E2F6: variants seen among roughly 807,000 people sequenced by gnomAD.
E2F6 encodes E2F transcription factor 6, also known as transcription factor E2F6.
Under a neutral mutation model 31.5 loss-of-function variants are expected in E2F6, and 19 were observed. The observed-to-expected ratio is 0.60, with a 90% CI of 0.42 to 0.89. E2F6 has a LOEUF of 0.89. Ranked by LOEUF, E2F6 falls within the 40% of genes least tolerant of loss-of-function variation. The pLI is 0.00. For synonymous variants in E2F6, 121 were observed against 127.7 expected, an observed-to-expected ratio of 0.95 and a Z score of 0.36; for missense variants, 269 against 341.6, an observed-to-expected ratio of 0.79 and a Z score of 1.67.
intron 1 of E2F6, among the ~76,000 whole-genome samples, chr2:11,463,960 C>CAAAAAAAAAAAAAGAAAAA (rs1671958690): frequency 2.9e-5 from 2 of 69,968 alleles, no homozygotes; most frequent in African/African-American, 4.8e-5. Context: ...GGGGGGGGGA[C>CAAAAAAAAAAAAAGAAAAA]AAAAACAAAA....
rs183996239 is a variant in E2F6 at position 11,446,127 on chromosome 2, A to G, written c.*350T>C. 2.3e-5 allele frequency: 6 copies of G among 266,654 alleles called. No individual in the cohort carries two copies. In the East Asian group the frequency reaches 4.8e-4, roughly 21 times the overall value. 16.5% of individuals were successfully genotyped at this position (266,654 alleles called of 1,614,324 possible). On this transcript the variant is annotated 3_prime_UTR_variant, in exon 7 of 7. Transcript: ENST00000381525. ...TGTAAGGCAATTTCTTTTGTGATATATGACATACTCCTTGAAGGGAAGGGT... is the reference window on the plus strand; with the variant it reads ...TGTAAGGCAATTTCTTTTGTGATATGTGACATACTCCTTGAAGGGAAGGGT...
intron 3 of E2F6, among the ~76,000 whole-genome samples, chr2:11,452,676 C>T (rs1187450909): frequency 6.6e-6 from 1 of 151,494 alleles, no homozygotes; most frequent in Non-Finnish European, 1.5e-5. Context: ...GACCAGGCAA[C>T]AACTGATTTT....
In E2F6 at chr2:11,466,058, G is replaced by A. The variant is rs189274166; in HGVS notation, c.-179C>T. ...TCCCGCCCGCCAGTAAACGCGGCAC[G>A]GCCTCACGTGCCCGGGAGCTCCCGA... On this transcript the variant is annotated 5_prime_UTR_variant, in exon 1 of 7. Coordinates refer to ENST00000381525, the MANE Select transcript of E2F6 (RefSeq NM_198256.4). The A allele has an allele frequency of 0.012, 6,611 of 546,196 alleles. 58 individuals are homozygous for A. The highest frequency in any genetic ancestry group is 0.029 in the Middle Eastern group (60 of 2,092). The allele number at this position is 546,196 out of a possible 1,614,324, so 33.8% of individuals were successfully genotyped here.
chr2:11,453,473 C>T (rs1671199314), intron 3 of E2F6, 109 bp downstream of exon 3: 6 of 1,007,048 alleles, frequency 6.0e-6, no homozygotes, highest in South Asian at 3.2e-5. Context: ...AACAAGAAGT[C>T]GTACCTTTGT....
In E2F6 at chr2:11,454,104, T is replaced by G. The variant is rs557947368; in HGVS notation, c.164-306A>C. On this transcript the variant is annotated intron_variant, in intron 2 of 6. Coordinates refer to ENST00000381525, the MANE Select transcript of E2F6 (RefSeq NM_198256.4). ...ATCTTCTCGGACAAAGCAGTGAGAT[T>G]AATTTGCATCCATACCACTCTCAGG... Among the ~76,000 whole-genome samples the G allele has an allele frequency of 1.9e-4, 29 of 152,362 alleles. No homozygotes were observed. In the South Asian group the frequency reaches 3.3e-3, roughly 17 times the overall value.
chr2:11,455,007 T>C (rs1037405062), intron 2 of E2F6, among the ~76,000 whole-genome samples: 1 of 152,252 alleles, frequency 6.6e-6, no homozygotes, highest in African/African-American at 2.4e-5. Flanking sequence ...TTTTGCTTCA[T>C]ATTTCAATGA....
chr2:11,463,130 A>G (rs1317494560), intron 1 of E2F6, among the ~76,000 whole-genome samples: 1 of 152,224 alleles, frequency 6.6e-6, no homozygotes, highest in East Asian at 1.9e-4. Context: ...TCAAATATTA[A>G]GACCACCAAT....
In E2F6 at chr2:11,466,124, T is replaced by C; in HGVS notation, c.-245A>G. The C allele has an allele frequency of 6.5e-6, 3 of 463,204 alleles. No individual in the cohort carries two copies. The South Asian group carries it at 9.6e-5, about 15-fold the overall frequency. The allele number at this position is 463,204 out of a possible 1,614,324, so 28.7% of individuals were successfully genotyped here. ...AGGAGGGAGACCCGCGGATCTCAAGTCGCCCGGCCCGCCATCTTCCCGCAT... is the reference window on the plus strand; with the variant it reads ...AGGAGGGAGACCCGCGGATCTCAAGCCGCCCGGCCCGCCATCTTCCCGCAT... On this transcript the variant is annotated 5_prime_UTR_variant, in exon 1 of 7. Transcript: ENST00000381525.
intron 2 of E2F6, 133 bp downstream of exon 2, chr2:11,457,046 C>G: frequency 1.4e-6 from 1 of 715,592 alleles, no homozygotes; most frequent in South Asian, 1.7e-5. Context: ...CTAAAACTTG[C>G]AACTTTACAT....
chr2:11,449,754 C>T (rs747217404), intron 5 of E2F6, among the ~76,000 whole-genome samples: 2 of 152,212 alleles, frequency 1.3e-5, no homozygotes, highest in Non-Finnish European at 2.9e-5. Flanking sequence ...TGAAGCCACA[C>T]TAACTGGGTT....
At chr2:11,465,646 G>A (rs1243008131) in intron 1 of E2F6, 126 bp downstream of exon 1, 2 of 905,656 alleles carry the variant, frequency 2.2e-6, no homozygotes, top group Non-Finnish European at 3.5e-6. Context: ...AGCACGTGAT[G>A]GGCAGCGCCT....
At chr2:11,447,830 C>A (rs1419345726) in intron 5 of E2F6, 56 bp from the exon 6 acceptor site, 1 of 1,575,834 alleles carries the variant, frequency 6.3e-7, no homozygotes, top group African/African-American at 1.4e-5. Flanking sequence ...CATATTTTTT[C>A]ACTCACTAGA....
intron 2 of E2F6, 127 bp downstream of exon 2, chr2:11,457,052 T>C: frequency 1.3e-6 from 1 of 752,218 alleles, no homozygotes. Flanking sequence ...CTTGCAACTT[T>C]ACATTTCAGT....
At chr2:11,455,601 T>A in intron 2 of E2F6, 1 of 459,796 alleles carries the variant, frequency 2.2e-6, no homozygotes, top group Non-Finnish European at 3.8e-6. Context: ...AGCATATATT[T>A]AATTATACTA....
chr2:11,447,817 AATC>A, intron 5 of E2F6, 43 bp from the exon 6 acceptor site: 1 of 1,584,964 alleles, frequency 6.3e-7, no homozygotes. Context: ...TGAAATAATA[AATC>A]ATATTTTTTC....
At chr2:11,456,925 A>C in intron 2 of E2F6, 1 of 429,392 alleles carries the variant, frequency 2.3e-6, no homozygotes, top group East Asian at 5.0e-5. Flanking sequence ...GAAAGAGTAC[A>C]TTTCTCTCCC....
Position 11,453,815 on chromosome 2 carries a change from A to G in E2F6, c.164-17T>C, listed in dbSNP as rs376044108. 141 of 1,590,232 alleles carry G rather than the reference A, an allele frequency of 8.9e-5. No homozygotes were observed. Among genetic ancestry groups the G allele is most frequent in the South Asian group, 2.0e-4 (18 of 88,372 alleles). ...TTAGAGCTTCTGGGAAACAAAATAA[A>G]CATATTTGTAAAATTTTAAATAACA... On this transcript the variant is annotated splice_polypyrimidine_tract_variant and intron_variant, in intron 2 of 6. Coordinates refer to ENST00000381525, the MANE Select transcript of E2F6 (RefSeq NM_198256.4).
At chr2:11,465,665 G>C (rs1672135308) in intron 1 of E2F6, 107 bp downstream of exon 1, 1 of 1,157,078 alleles carries the variant, frequency 8.6e-7, no homozygotes, top group Admixed American at 2.1e-5. Context: ...CTGGCCCAGG[G>C]GGAGCAGACG....
chr2:11,449,730 T>C (rs1280349243), intron 5 of E2F6, among the ~76,000 whole-genome samples: 5 of 152,212 alleles, frequency 3.3e-5, no homozygotes, highest in Admixed American at 1.3e-4. Context: ...AGTACAATAG[T>C]GAAAAGCAAA....
Sources: allele counts gnomAD v4.1 joint callset (sites outside exome capture counted in the v4.1 genomes callset), GRCh38; gene constraint gnomAD v4.1.1; transcripts MANE v1.5; gene names NCBI Gene and HGNC (gene_info 2026-07-23, HGNC 2026-07-21).